The following RHBDF2 variants were observed in gnomAD, a reference collection of about 807,000 sequenced individuals.
RHBDF2 encodes inactive rhomboid protein 2.
RHBDF2 carries 38 observed loss-of-function variants against 95.2 expected under a neutral mutation model. The ratio of observed to expected loss-of-function variants is 0.40; its 90% confidence interval spans 0.31 to 0.52. The LOEUF (loss-of-function observed/expected upper bound fraction) is 0.52, where lower values mean the gene tolerates loss of function less well. Among genes scored for constraint, RHBDF2 ranks in the 20% least tolerant of loss-of-function variants. The pLI is 0.56. For synonymous variants in RHBDF2, 442 were observed against 462.0 expected (o/e 0.96, Z 0.55); for missense variants, 863 against 1,137.7 (o/e 0.76, Z 3.47).
intron 3 of RHBDF2, 127 bp downstream of exon 3, chr17:76,481,248 G>T (rs1474933062): frequency 1.5e-5 from 17 of 1,107,970 alleles, no homozygotes; most frequent in East Asian, 2.4e-5. Context: ...CCGAGTCAAG[G>T]GCTGCACAGA....
intron 1 of RHBDF2, among the ~76,000 whole-genome samples, chr17:76,498,964 G>C (rs1224711781): frequency 6.6e-6 from 1 of 151,948 alleles, no homozygotes; most frequent in Admixed American, 6.6e-5. Context: ...GGGGCCTGAG[G>C]GTGGGCAACT....
Position 76,485,681 on chromosome 17 carries a change from G to A in RHBDF2, c.-22+2031C>T, listed in dbSNP as rs150942805. Among the ~76,000 whole-genome samples the A allele has an allele frequency of 1.7e-3, 263 of 152,304 alleles. 2 individuals are homozygous for A. Among genetic ancestry groups the A allele is most frequent in the African/African-American group, 6.0e-3 (249 of 41,570 alleles). On this transcript the variant is annotated intron_variant, in intron 2 of 18. Coordinates refer to ENST00000675367, the MANE Select transcript of RHBDF2 (RefSeq NM_001005498.4). ...CTGGACAGGAAGTGCCCGGCAGCAC[G>A]GCTCTGCAGAGCCGGAGCAGGAAAA...
intron 10 of RHBDF2, 27 bp downstream of exon 10, chr17:76,475,003 C>T (rs1288019222): frequency 6.5e-7 from 1 of 1,546,264 alleles, no homozygotes. Flanking sequence ...GGCTGGGACC[C>T]CCAGCATGGA....
chr17:76,474,829 G>A (rs777569535), intron 10 of RHBDF2, 25 bp from the exon 11 acceptor site: 1 of 1,609,228 alleles, frequency 6.2e-7, no homozygotes, highest in South Asian at 1.1e-5. Context: ...GCACAGAGGA[G>A]GGCGTCAGAA....
intron 1 of RHBDF2, among the ~76,000 whole-genome samples, chr17:76,498,245 G>A (rs1199794852): frequency 1.3e-5 from 2 of 152,090 alleles, no homozygotes; most frequent in African/African-American, 2.4e-5. Context: ...AGACGTCCCC[G>A]CCACTCCTCC....
Position 76,479,766 on chromosome 17 carries a change from C to G in RHBDF2, c.239G>C (p.Arg80Pro). Residue 80 changes from arginine to proline, a missense_variant, in exon 4 of 19, where the codon CGC becomes CCC. Physicochemically the swap from Arg to Pro is moderately radical, Grantham distance 103 (BLOSUM62 -2). Transcript: ENST00000675367. The part of the protein sequence containing the change: ...QESSEKRPGF[R>P]RQASLSQSIR... ...GCTCTGGGACAGTGAGGCCTGGCGG[C>G]GGAAGCCAGGGCGCTTCTCTGAACT... 1 of 1,612,140 alleles carries G rather than the reference C, an allele frequency of 6.2e-7. No homozygotes were observed. Among genetic ancestry groups the G allele is most frequent in the Non-Finnish European group, 8.5e-7 (1 of 1,179,860 alleles).
chr17:76,497,353 C>A (rs919036065), intron 1 of RHBDF2, among the ~76,000 whole-genome samples: 1 of 152,274 alleles, frequency 6.6e-6, no homozygotes, highest in East Asian at 1.9e-4. Context: ...GCCAGGAAAA[C>A]CCCTGGGCAG....
chr17:76,490,992 G>A (rs2074283821), intron 1 of RHBDF2, among the ~76,000 whole-genome samples: 1 of 152,150 alleles, frequency 6.6e-6, no homozygotes, highest in Non-Finnish European at 1.5e-5. Context: ...TGAATGGGAA[G>A]CTAGTGAGAG....
intron 15 of RHBDF2, 67 bp downstream of exon 15, chr17:76,473,581 G>A (rs942171489): frequency 3.7e-6 from 5 of 1,335,072 alleles, no homozygotes; most frequent in Middle Eastern, 5.0e-4. Context: ...GAGGAGCAGA[G>A]GGCCCACAGG....
intron 2 of RHBDF2, among the ~76,000 whole-genome samples, chr17:76,482,665 T>TGGGAGGCTGAGGCACGAGAATTGC (rs1203868790): frequency 1.6e-4 from 24 of 151,712 alleles, no homozygotes; most frequent in Non-Finnish European, 3.2e-4. Context: ...CCCAGCTACT[T>TGGGAGGCTGAGGCACGAGAATTGC]GGGAGGCTGA....
intron 1 of RHBDF2, among the ~76,000 whole-genome samples, chr17:76,490,897 C>T (rs59121268): frequency 0.032 from 4,855 of 152,244 alleles, 142 homozygotes; most frequent in South Asian, 0.13. Flanking sequence ...CAGCATCTCG[C>T]GGATTTACCT....
rs763754149 is a variant in RHBDF2 at position 76,481,385 on chromosome 17, A to G, written c.140T>C (p.Met47Thr). The change falls in exon 3 of 19, where the codon ATG becomes ACG. Residue 47 changes from methionine to threonine, a missense_variant. Physicochemically the swap from Met to Thr is moderately conservative, Grantham distance 81. Transcript: ENST00000675367. ...GGCCAGCCCCCTTACCTCAGGCAGC[A>G]TGCTGTCCTGCTCGCCAGGGGCCTG... ...ETQAPGEQDS[M>T]LPERKNPAYL... is the part of the protein sequence containing the mutation. 7 of 1,612,030 alleles carry G rather than the reference A, an allele frequency of 4.3e-6. No individual in the cohort carries two copies. Among genetic ancestry groups the G allele is most frequent in the Non-Finnish European group, 5.9e-6 (7 of 1,179,882 alleles).
chr17:76,485,551 ACTCCAGGC>A (rs112066972), intron 2 of RHBDF2, among the ~76,000 whole-genome samples: 90,165 of 151,236 alleles, frequency 0.6, 27,299 homozygotes, highest in Middle Eastern at 0.74. Flanking sequence ...TCGCCACTGC[ACTCCAGGC>A]CTCCAGCCTG....
In RHBDF2 at chr17:76,479,202, G is replaced by A; in HGVS notation, c.348C>T (p.His116=). The A allele has an allele frequency of 6.2e-7, 1 of 1,611,412 alleles. No homozygotes were observed. Among genetic ancestry groups the A allele is most frequent in the Non-Finnish European group, 8.5e-7 (1 of 1,179,586 alleles). Reference sequence around the variant, plus strand: ...GGCGGCCGTAGCGCATGCTGCAGTGGTGCAGGCTGCGGCGCTGCCACTGCT... The same window carrying A: ...GGCGGCCGTAGCGCATGCTGCAGTGATGCAGGCTGCGGCGCTGCCACTGCT... ...QRQQWQRRSL[H]HCSMRYGRLK... is the part of the protein sequence containing the mutation. The change falls in exon 5 of 19, where the codon CAC becomes CAT. Residue 116 remains histidine, a synonymous_variant. Transcript: ENST00000675367.
At chr17:76,484,893 C>T (rs2074078015) in intron 2 of RHBDF2, among the ~76,000 whole-genome samples, 2 of 152,276 alleles carry the variant, frequency 1.3e-5, no homozygotes, top group South Asian at 4.1e-4. Flanking sequence ...GGGTTAGTCA[C>T]CTGACAACTC....
intron 3 of RHBDF2, 59 bp downstream of exon 3, chr17:76,481,315 TC>T (rs1382616472): frequency 6.5e-7 from 1 of 1,542,300 alleles, no homozygotes; most frequent in Non-Finnish European, 8.8e-7. Context: ...CCAGAAAGTG[TC>T]ACGTGGGTAC....
At chr17:76,488,896 C>G (rs916336297) in intron 1 of RHBDF2, among the ~76,000 whole-genome samples, 17 of 151,878 alleles carry the variant, frequency 1.1e-4, no homozygotes, top group African/African-American at 4.1e-4. Flanking sequence ...TGCAGTGAGC[C>G]AAGATCGCGC....
intron 3 of RHBDF2, among the ~76,000 whole-genome samples, chr17:76,480,405 G>A (rs1359128157): frequency 6.6e-6 from 1 of 150,788 alleles, no homozygotes; most frequent in Non-Finnish European, 1.5e-5. Context: ...TATTTTTTGG[G>A]ACAGAGTCTT....
At chr17:76,472,927 C>T in intron 17 of RHBDF2, 78 bp downstream of exon 17, 8 of 1,593,412 alleles carry the variant, frequency 5.0e-6, no homozygotes, top group Non-Finnish European at 5.1e-6. Context: ...CATGCCCTGG[C>T]CCAGGAACCT....
Sources: gnomAD v4.1 joint callset for allele counts (sites outside exome capture counted in the v4.1 genomes callset) on GRCh38, gnomAD v4.1.1 for gene constraint, MANE v1.5 for transcripts, NCBI Gene and HGNC (gene_info 2026-07-23, HGNC 2026-07-21) for gene names.